The following GRID1 variants were observed in gnomAD, a reference collection of about 807,000 sequenced individuals.
The protein encoded by GRID1 is glutamate ionotropic receptor delta type subunit 1.
GRID1 carries 28 observed loss-of-function variants against 98.0 expected under a neutral mutation model. That is an observed-to-expected ratio of 0.29 (90% CI 0.21 to 0.39). The LOEUF is 0.39. Ranked by LOEUF, GRID1 falls within the 10% of genes least tolerant of loss-of-function variation. The pLI is 1.00. For synonymous variants in GRID1, 553 were observed against 538.5 expected, an observed-to-expected ratio of 1.03 and a Z score of -0.37; for missense variants, 1,111 against 1,340.5, an observed-to-expected ratio of 0.83 and a Z score of 2.67.
chr10:86,295,215 G>A (rs1847570928), intron 2 of GRID1, among the ~76,000 whole-genome samples: 1 of 152,188 alleles, frequency 6.6e-6, no homozygotes, highest in Non-Finnish European at 1.5e-5. Flanking sequence ...AGTGGACCAA[G>A]CGCAGGAATC....
intron 13 of GRID1, among the ~76,000 whole-genome samples, chr10:85,636,682 T>C (rs1843046978): frequency 6.6e-6 from 1 of 152,074 alleles, no homozygotes. Flanking sequence ...TATGAGAAAG[T>C]AGAAAAATAC....
chr10:86,182,064 G>A (rs539659941), intron 3 of GRID1, among the ~76,000 whole-genome samples: 22 of 152,264 alleles, frequency 1.4e-4, no homozygotes, highest in Admixed American at 3.3e-4. Flanking sequence ...TTCAGACTCC[G>A]CACTCGACCC....
At chr10:85,798,193 T>C (rs1590236779) in intron 8 of GRID1, among the ~76,000 whole-genome samples, 1 of 152,230 alleles carries the variant, frequency 6.6e-6, no homozygotes. Flanking sequence ...ATAAATATTA[T>C]TGTCAGTTTG....
intron 9 of GRID1, 92 bp downstream of exon 9, chr10:85,729,421 T>G: frequency 2.9e-6 from 2 of 700,840 alleles, no homozygotes; most frequent in African/African-American, 3.5e-5. Context: ...CAAGATTCTC[T>G]TCTCCCCAAA....
At chr10:86,018,191 C>T (rs965136339) in intron 4 of GRID1, among the ~76,000 whole-genome samples, 1 of 152,252 alleles carries the variant, frequency 6.6e-6, no homozygotes, top group African/African-American at 2.4e-5. Flanking sequence ...GGCCATGCAC[C>T]GCAGCCTTCT....
In GRID1 at chr10:86,365,965, G is replaced by A. The variant is rs914969213; in HGVS notation, c.79+349C>T. ...CCCGCTGTACCTCCCCCTGCCCCCCGCTGCTCTGAGCTGCGCAGAAGGGCC... is the reference window on the plus strand; with the variant it reads ...CCCGCTGTACCTCCCCCTGCCCCCCACTGCTCTGAGCTGCGCAGAAGGGCC... On this transcript the variant is annotated intron_variant, in intron 1 of 15. Transcript: ENST00000327946. This position sits in a 1 kb window ranked among gnomAD's most constrained non-coding sequence, Gnocchi z 4.8. Among the ~76,000 whole-genome samples, 1 of 151,408 alleles carries A rather than the reference G, an allele frequency of 6.6e-6. No individual in the cohort carries two copies. Among genetic ancestry groups the A allele is most frequent in the African/African-American group, 2.4e-5 (1 of 41,218 alleles).
intron 4 of GRID1, among the ~76,000 whole-genome samples, chr10:85,936,942 T>TTGTTTCCTAGA (rs1258968869): frequency 2.0e-5 from 3 of 152,228 alleles, no homozygotes; most frequent in Admixed American, 1.3e-4. Flanking sequence ...AATAATGCTT[T>TTGTTTCCTAGA]TGTTTCCTAG....
In GRID1 at chr10:86,287,396, C is replaced by T. The variant is rs376236046; in HGVS notation, c.235+76545G>A. ...TGGGCACCATTCCTGGTCCCAGTAA[C>T]GCACCACTTAACTAAAAGCAGCTGC... On this transcript the variant is annotated intron_variant, in intron 2 of 15. Transcript: ENST00000327946. Among the ~76,000 whole-genome samples the T allele has an allele frequency of 9.2e-5, 14 of 152,196 alleles. No individual in the cohort carries two copies. In the East Asian group the frequency reaches 9.6e-4, roughly 10 times the overall value.
intron 2 of GRID1, among the ~76,000 whole-genome samples, chr10:86,248,357 A>G (rs995357964): frequency 6.6e-6 from 1 of 152,200 alleles, no homozygotes; most frequent in African/African-American, 2.4e-5. Flanking sequence ...ACAGATCTAC[A>G]GAACCAAATT....
intron 2 of GRID1, among the ~76,000 whole-genome samples, chr10:86,250,768 G>A (rs1369733974): frequency 1.3e-5 from 2 of 150,912 alleles, no homozygotes; most frequent in African/African-American, 4.9e-5. Context: ...GAAGTGGGGA[G>A]CCCCTCTGCC....
intron 4 of GRID1, among the ~76,000 whole-genome samples, chr10:86,095,749 T>C (rs1844212897): frequency 6.6e-6 from 1 of 152,198 alleles, no homozygotes; most frequent in African/African-American, 2.4e-5. Flanking sequence ...AGGGAACACT[T>C]CCACACTGCT....
intron 2 of GRID1, among the ~76,000 whole-genome samples, chr10:86,307,140 T>C (rs926081909): frequency 3.3e-5 from 5 of 152,224 alleles, no homozygotes; most frequent in Non-Finnish European, 2.9e-5. Flanking sequence ...GTATTGGCAG[T>C]TCTATAAAAA....
intron 2 of GRID1, among the ~76,000 whole-genome samples, chr10:86,289,802 C>G (rs181101835): frequency 1.3e-5 from 2 of 152,320 alleles, no homozygotes; most frequent in East Asian, 3.9e-4. Context: ...GCAGCCACCC[C>G]AGCTGGGCCA....
At position 85,915,741 on chromosome 10, in the gene GRID1, G is replaced by A. The variant is rs573088451; in HGVS notation, c.780+445C>T. Among the ~76,000 whole-genome samples the A allele has an allele frequency of 1.4e-4, 21 of 151,872 alleles. No homozygotes were observed. In the East Asian group the frequency reaches 2.9e-3, roughly 21 times the overall value. ...CACACCTGGATTCACACTCTCGCACGCATGTGCACACCCTGCATACACACT... is the reference window on the plus strand; with the variant it reads ...CACACCTGGATTCACACTCTCGCACACATGTGCACACCCTGCATACACACT... On this transcript the variant is annotated intron_variant, in intron 5 of 15. Coordinates refer to ENST00000327946, the MANE Select transcript of GRID1 (RefSeq NM_017551.3).
intron 4 of GRID1, among the ~76,000 whole-genome samples, chr10:85,946,633 G>T (rs1842056629): frequency 6.6e-6 from 1 of 152,224 alleles, no homozygotes; most frequent in Non-Finnish European, 1.5e-5. Flanking sequence ...GGCTTGGAAA[G>T]GGATGCTGTC....
At chr10:85,797,948 G>A (rs1049346537) in intron 8 of GRID1, among the ~76,000 whole-genome samples, 3 of 152,136 alleles carry the variant, frequency 2.0e-5, no homozygotes, top group Admixed American at 6.5e-5. Context: ...CATGGCCAAT[G>A]AAATACTTTT....
At chr10:86,331,488 A>G (rs1848141944) in intron 2 of GRID1, among the ~76,000 whole-genome samples, 1 of 152,204 alleles carries the variant, frequency 6.6e-6, no homozygotes, top group Non-Finnish European at 1.5e-5. Context: ...CACAAGGTGT[A>G]CAAAGTGCCC....
At chr10:85,786,788 C>G (rs1360820866) in intron 8 of GRID1, among the ~76,000 whole-genome samples, 1 of 152,216 alleles carries the variant, frequency 6.6e-6, no homozygotes, top group African/African-American at 2.4e-5. Flanking sequence ...GAGATTTGTG[C>G]AGAAGGCAAT....
chr10:86,225,847 C>CA, intron 2 of GRID1, among the ~76,000 whole-genome samples: 1 of 152,300 alleles, frequency 6.6e-6, no homozygotes, highest in East Asian at 1.9e-4. Flanking sequence ...AATGTGCCCT[C>CA]AGCAAATGAA....
Sources: gnomAD v4.1 joint callset for allele counts (sites outside exome capture counted in the v4.1 genomes callset) on GRCh38, gnomAD v4.1.1 for gene constraint, Gnocchi (gnomAD v3.1) non-coding constraint, MANE v1.5 for transcripts, NCBI Gene and HGNC (gene_info 2026-07-23, HGNC 2026-07-21) for gene names.